FAM13A: variants seen among roughly 807,000 people sequenced by gnomAD.
The protein encoded by FAM13A is protein FAM13A.
Under a neutral mutation model 129.6 loss-of-function variants are expected in FAM13A, and 76 were observed. The ratio of observed to expected loss-of-function variants is 0.59; its 90% CI spans 0.49 to 0.71. The LOEUF is 0.71. FAM13A is among the 30% of genes least tolerant of loss of function. The probability of loss-of-function intolerance (pLI) is 0.00; values close to 1 mark genes in which losing one functional copy is unlikely to be tolerated. For synonymous variants in FAM13A, 443 were observed against 449.9 expected (o/e 0.98, Z 0.20); for missense variants, 1,108 against 1,249.3 (o/e 0.89, Z 1.70).
chr4:88,998,388 G>A (rs1475804331), intron 3 of FAM13A, among the ~76,000 whole-genome samples: 1 of 152,200 alleles, frequency 6.6e-6, no homozygotes, highest in African/African-American at 2.4e-5. Context: ...AAGTGCCCAG[G>A]ACCTCATAAC....
At chr4:88,935,357 T>A (rs1753680533) in intron 5 of FAM13A, among the ~76,000 whole-genome samples, 1 of 152,230 alleles carries the variant, frequency 6.6e-6, no homozygotes, top group African/African-American at 2.4e-5. Context: ...CAAACTGGGA[T>A]ATACAGAGGT....
At chr4:88,759,075 T>C in intron 13 of FAM13A, 174 bp from the exon 14 acceptor site, 1 of 598,374 alleles carries the variant, frequency 1.7e-6, no homozygotes. Flanking sequence ...GCCACTTGCA[T>C]GCAGAAAGCA....
intron 4 of FAM13A, among the ~76,000 whole-genome samples, chr4:88,966,487 A>G (rs1388158626): frequency 6.6e-6 from 1 of 152,214 alleles, no homozygotes; most frequent in East Asian, 1.9e-4. Flanking sequence ...GTAAAGCATT[A>G]GCAGAACCAT....
intron 21 of FAM13A, among the ~76,000 whole-genome samples, chr4:88,734,041 C>A (rs1278199603): frequency 6.6e-6 from 1 of 152,082 alleles, no homozygotes; most frequent in African/African-American, 2.4e-5. Context: ...ATAAGACAAC[C>A]ATCATAAGTG....
intron 5 of FAM13A, among the ~76,000 whole-genome samples, chr4:88,924,894 G>C (rs1345702622): frequency 1.3e-5 from 2 of 151,690 alleles, no homozygotes; most frequent in African/African-American, 4.8e-5. Flanking sequence ...AGTGGGCAAA[G>C]GATATGAACA....
chr4:88,739,157 C>T (rs1739649876), intron 19 of FAM13A, 32 bp from the exon 20 acceptor site: 3 of 1,499,604 alleles, frequency 2.0e-6, no homozygotes, highest in Non-Finnish European at 2.8e-6. Flanking sequence ...TATGAGAAGC[C>T]TGCTGCTGGG....
At chr4:88,770,175 A>G (rs1235317991) in intron 11 of FAM13A, among the ~76,000 whole-genome samples, 1 of 152,230 alleles carries the variant, frequency 6.6e-6, no homozygotes, top group Non-Finnish European at 1.5e-5. Context: ...ATTCAATTAT[A>G]TTCATACCTC....
chr4:88,799,506 G>T (rs1445188865), intron 8 of FAM13A, among the ~76,000 whole-genome samples: 2 of 148,538 alleles, frequency 1.3e-5, no homozygotes, highest in Non-Finnish European at 3.0e-5. Context: ...TTAATTATTA[G>T]ACAGAGTCTT....
chr4:88,975,732 C>T (rs1760812765), intron 4 of FAM13A, among the ~76,000 whole-genome samples: 1 of 152,134 alleles, frequency 6.6e-6, no homozygotes, highest in South Asian at 2.1e-4. Context: ...AAAAGTTGTA[C>T]TTAACAACGG....
At chr4:88,944,475 G>T (rs1755320509) in intron 4 of FAM13A, among the ~76,000 whole-genome samples, 1 of 152,172 alleles carries the variant, frequency 6.6e-6, no homozygotes, top group African/African-American at 2.4e-5. Flanking sequence ...TAGCTTCAAG[G>T]GTTCCCTGCC....
chr4:88,833,614 G>T (rs916699838), intron 7 of FAM13A, among the ~76,000 whole-genome samples: 1 of 152,096 alleles, frequency 6.6e-6, no homozygotes, highest in African/African-American at 2.4e-5. Context: ...GACTGAACAT[G>T]GTGGCTCACG....
intron 6 of FAM13A, among the ~76,000 whole-genome samples, chr4:88,897,113 T>C (rs1383862737): frequency 6.6e-6 from 1 of 152,230 alleles, no homozygotes; most frequent in Non-Finnish European, 1.5e-5. Context: ...CCATAGCACC[T>C]GTGTCTGGTA....
At chr4:88,776,330 A>C (rs1721709446) in intron 11 of FAM13A, among the ~76,000 whole-genome samples, 1 of 152,160 alleles carries the variant, frequency 6.6e-6, no homozygotes, top group African/African-American at 2.4e-5. Context: ...GGTACAGTGG[A>C]ATCCCAGCTC....
intron 6 of FAM13A, among the ~76,000 whole-genome samples, chr4:88,853,788 C>G (rs887609198): frequency 1.5e-4 from 23 of 152,216 alleles, no homozygotes; most frequent in African/African-American, 5.5e-4. Context: ...TCGACACCAT[C>G]TAGTCAGCTG....
chr4:88,772,496 C>G (rs1440102830), intron 11 of FAM13A, among the ~76,000 whole-genome samples: 1 of 152,184 alleles, frequency 6.6e-6, no homozygotes, highest in East Asian at 1.9e-4. Flanking sequence ...ATGTAACTAA[C>G]TGTTCTCCAA....
chr4:88,822,963 AGGAAAATACTAC>A, intron 7 of FAM13A: 1 of 1,612,068 alleles, frequency 6.2e-7, no homozygotes, highest in Non-Finnish European at 8.5e-7. Context: ...AAAATAAAAT[AGGAAAATACTAC>A]CTTTGCAGAG....
chr4:88,804,589 T>G (rs2149742849), intron 8 of FAM13A, among the ~76,000 whole-genome samples: 1 of 152,270 alleles, frequency 6.6e-6, no homozygotes. Context: ...TGCTGAATAT[T>G]TAGTTTCCTT....
chr4:89,019,778 A>T (rs985000103), intron 3 of FAM13A, among the ~76,000 whole-genome samples: 2 of 151,720 alleles, frequency 1.3e-5, no homozygotes, highest in Non-Finnish European at 2.9e-5. Context: ...AAAAAAAAAA[A>T]AAAGCAAGTT....
In FAM13A at chr4:88,760,567, G is replaced by A. The variant is rs1312047006; in HGVS notation, c.1579-1666C>T. ...TGCAGTGAGCCGAGGTCGCGCCACT[G>A]CACTCCAGCCTGGGCGACAGAGCGA... is the stretch of plus-strand genomic sequence containing the variant. On this transcript the variant is annotated intron_variant, in intron 13 of 23. Coordinates refer to ENST00000264344, the MANE Select transcript of FAM13A (RefSeq NM_014883.4). Among the ~76,000 whole-genome samples, 14 of 20,290 alleles carry A rather than the reference G, an allele frequency of 6.9e-4. 2 individuals are homozygous for A. Among genetic ancestry groups the A allele is most frequent in the Admixed American group, 2.2e-3 (3 of 1,364 alleles). The allele number at this position is 20,290 out of a possible 152,430, so 13.3% of individuals were successfully genotyped here.
Sources: allele counts gnomAD v4.1 joint callset (sites outside exome capture counted in the v4.1 genomes callset), GRCh38; gene constraint gnomAD v4.1.1; transcripts MANE v1.5; gene names NCBI Gene and HGNC (gene_info 2026-07-23, HGNC 2026-07-21).